Variants in STK33 observed in about 807,000 individuals in gnomAD.
The protein encoded by STK33 is serine/threonine kinase 33, also known as serine/threonine-protein kinase 33.
A neutral mutation model predicts 58.0 loss-of-function variants in STK33; 52 were observed. That is an observed-to-expected ratio of 0.90 (90% confidence interval 0.72 to 1.13). STK33 has a LOEUF of 1.13. STK33 is among the 50% of genes most tolerant of loss of function. The probability of loss-of-function intolerance (pLI) is 0.00; values close to 1 mark genes in which losing one functional copy is unlikely to be tolerated. For synonymous variants in STK33, 215 were observed against 200.1 expected, an observed-to-expected ratio of 1.07 and a Z score of -0.63; for missense variants, 630 against 604.2, an observed-to-expected ratio of 1.04 and a Z score of -0.45.
At position 8,457,434 on chromosome 11, in the gene STK33, C is replaced by A; in HGVS notation, c.604G>T (p.Glu202Ter). Residue 202 changes from glutamate to a stop codon, truncating the protein, a stop_gained, in exon 9 of 16, where the codon GAA becomes TAA. Transcript: ENST00000687296. LOFTEE classifies it high-confidence loss of function. Reference sequence around the variant, plus strand: ...AAATGCCCTTTCCTATCCAGAATTTCTTTGAGTTCTCCATCCTCACAAAGC... The same window carrying A: ...AAATGCCCTTTCCTATCCAGAATTTATTTGAGTTCTCCATCCTCACAAAGC... ...MELCEDGELK[E>*]ILDRKGHFSE... 1 of 1,606,298 alleles carries A rather than the reference C, an allele frequency of 6.2e-7. No individual in the cohort carries two copies. Among genetic ancestry groups the A allele is most frequent in the Non-Finnish European group, 8.5e-7 (1 of 1,174,746 alleles).
rs528259984 is a variant in STK33, at chr11:8,477,810, T to C, written c.-260-527A>G. 4.6e-5 allele frequency among the ~76,000 whole-genome samples: 7 copies of C among 152,330 alleles called. No homozygotes were observed. In the East Asian group the frequency reaches 1.4e-3, roughly 29 times the overall value. ...TGAGTACTTTCTCGCTCCAGTCTTC[T>C]AATTTATCAGTTGCCTTAGAAGTAC... On this transcript the variant is annotated intron_variant, in intron 2 of 15. Coordinates refer to ENST00000687296, the MANE Select transcript of STK33 (RefSeq NM_001352389.2).
At chr11:8,477,171 C>CAA (rs1028267879) in intron 3 of STK33, 79 bp downstream of exon 3, 3 of 151,792 alleles carry the variant, frequency 2.0e-5, no homozygotes, top group Non-Finnish European at 4.4e-5. Flanking sequence ...CACACACACA[C>CAA]ACACATACAC....
chr11:8,458,673 G>T (rs1359619740), intron 8 of STK33, among the ~76,000 whole-genome samples: 2 of 151,986 alleles, frequency 1.3e-5, no homozygotes, highest in Admixed American at 1.3e-4. Context: ...ATCACTTTAG[G>T]TATTCCAACA....
At chr11:8,518,593 C>A (rs907862965) in intron 1 of STK33, among the ~76,000 whole-genome samples, 3 of 152,084 alleles carry the variant, frequency 2.0e-5, no homozygotes, top group Admixed American at 2.0e-4. Context: ...ATTCAGGAGA[C>A]CCATCTCACA....
the STK33 span, among the ~76,000 whole-genome samples, chr11:8,361,971 G>A: frequency 6.6e-6 from 1 of 152,216 alleles, no homozygotes; most frequent in Non-Finnish European, 1.5e-5. This position sits in a 1 kb window ranked among gnomAD's most constrained non-coding sequence, Gnocchi z 4.8. Context: ...ACCTCCCCAG[G>A]ACGGTTCAGT....
chr11:8,430,069 G>A (rs1330248566), intron 14 of STK33, among the ~76,000 whole-genome samples: 6 of 152,194 alleles, frequency 3.9e-5, no homozygotes, highest in Non-Finnish European at 8.8e-5. Flanking sequence ...TGGCACTTGA[G>A]TGCCTTTCAG....
At position 8,392,360 on chromosome 11, in the gene STK33, A is replaced by G. The variant is rs1848685316; in HGVS notation, c.*150T>C. On this transcript the variant is annotated 3_prime_UTR_variant, in exon 16 of 16. Coordinates refer to ENST00000687296, the MANE Select transcript of STK33 (RefSeq NM_001352389.2). ...GCTGCTTTGGAGATAAGCAGCTTCA[A>G]TTTTAAGCTGGTGCAAACACATGGC... 2.2e-6 allele frequency: 2 copies of G among 919,820 alleles called. No individual in the cohort carries two copies. Among genetic ancestry groups the G allele is most frequent in the East Asian group, 2.4e-5 (1 of 41,478 alleles). 57.0% of individuals were successfully genotyped at this position (919,820 alleles called of 1,614,324 possible).
At position 8,488,423 on chromosome 11, in the gene STK33, T is replaced by C. The variant is rs189199052; in HGVS notation, c.-465-7809A>G. Among the ~76,000 whole-genome samples, 38 of 151,418 alleles carry C rather than the reference T, an allele frequency of 2.5e-4. No homozygotes were observed. The East Asian group carries it at 6.5e-3, about 26-fold the overall frequency. ...CATGCACAGGAAAGACTTGAGAAGC[T>C]CCTAAACTCTAATCTCTGGCTGACC... is the stretch of plus-strand genomic sequence containing the variant. On this transcript the variant is annotated intron_variant, in intron 1 of 15. Transcript: ENST00000687296.
At chr11:8,409,662 T>C (rs1326686108) in intron 15 of STK33, among the ~76,000 whole-genome samples, 1 of 152,220 alleles carries the variant, frequency 6.6e-6, no homozygotes, top group Non-Finnish European at 1.5e-5. Flanking sequence ...ATGAAATTTC[T>C]TGGTCTGTTT....
the STK33 span, among the ~76,000 whole-genome samples, chr11:8,358,444 GC>G: frequency 3.9e-5 from 6 of 152,200 alleles, no homozygotes; most frequent in African/African-American, 1.4e-4. Context: ...CCAGCCAAGG[GC>G]AGGGGCTGAG....
chr11:8,453,011 TG>T, intron 10 of STK33, 105 bp from the exon 11 acceptor site: 3 of 1,033,454 alleles, frequency 2.9e-6, no homozygotes, highest in African/African-American at 3.2e-5. Flanking sequence ...CTGGGGTTCT[TG>T]GGGGTGGGAG....
At chr11:8,352,486 C>A in the STK33 span, among the ~76,000 whole-genome samples, 64 of 152,258 alleles carry the variant, frequency 4.2e-4, no homozygotes, top group Non-Finnish European at 7.2e-4. Flanking sequence ...TCTGGAGAGA[C>A]CAGGTGCTCC....
At chr11:8,427,616 AT>A (rs889568159) in intron 14 of STK33, among the ~76,000 whole-genome samples, 1 of 151,950 alleles carries the variant, frequency 6.6e-6, no homozygotes, top group African/African-American at 2.4e-5. Context: ...AACCCCATAT[AT>A]CTTTTCTTTT....
At chr11:8,489,191 A>C (rs1950396525) in intron 1 of STK33, among the ~76,000 whole-genome samples, 1 of 144,594 alleles carries the variant, frequency 6.9e-6, no homozygotes, top group South Asian at 2.4e-4. Context: ...CAGGAGTTTG[A>C]GGCTTCAGTG....
At chr11:8,374,644 T>C in the STK33 span, among the ~76,000 whole-genome samples, 1 of 152,130 alleles carries the variant, frequency 6.6e-6, no homozygotes, top group Admixed American at 6.6e-5. Flanking sequence ...AACCATAACA[T>C]ACCTCTATAA....
intron 15 of STK33, among the ~76,000 whole-genome samples, chr11:8,411,883 A>G (rs939479614): frequency 6.6e-6 from 1 of 152,216 alleles, no homozygotes; most frequent in Non-Finnish European, 1.5e-5. Context: ...CAAACAATTC[A>G]AATTCCAATT....
chr11:8,493,160 C>G (rs899016351), intron 1 of STK33, among the ~76,000 whole-genome samples: 1 of 151,874 alleles, frequency 6.6e-6, no homozygotes, highest in African/African-American at 2.4e-5. Flanking sequence ...AATCTGGGAG[C>G]TGGTTTTTTG....
chr11:8,359,012 C>A, the STK33 span, among the ~76,000 whole-genome samples: 3 of 152,196 alleles, frequency 2.0e-5, no homozygotes, highest in Non-Finnish European at 4.4e-5. Flanking sequence ...CTACCCAACA[C>A]GCACAGCCTG....
chr11:8,547,401 A>G (rs1052045340), intron 1 of STK33, among the ~76,000 whole-genome samples: 1 of 152,078 alleles, frequency 6.6e-6, no homozygotes, highest in Non-Finnish European at 1.5e-5. Flanking sequence ...TTTCCTAGAG[A>G]TGAGGTTTCA....
Sources: gnomAD v4.1 joint callset for allele counts (sites outside exome capture counted in the v4.1 genomes callset) on GRCh38, gnomAD v4.1.1 for gene constraint, Gnocchi (gnomAD v3.1) non-coding constraint, MANE v1.5 for transcripts, NCBI Gene and HGNC (gene_info 2026-07-23, HGNC 2026-07-21) for gene names.